Variants in PDE4D observed in about 807,000 individuals in gnomAD.
PDE4D encodes the protein phosphodiesterase 4D, also known as 3',5'-cyclic-AMP phosphodiesterase 4D.
In PDE4D, 24 loss-of-function variants were observed where a neutral mutation model predicts 87.4. That is an observed-to-expected ratio of 0.27 (90% CI 0.20 to 0.39). The LOEUF (loss-of-function observed/expected upper bound fraction) is 0.39. Ranked by LOEUF, PDE4D falls within the 10% of genes least tolerant of loss-of-function variation. PDE4D has a pLI of 1.00. For synonymous variants in PDE4D, 384 were observed against 383.2 expected (o/e 1.00, Z -0.02); for missense variants, 714 against 1,041.0 (o/e 0.69, Z 4.32).
chr5:59,417,343 G>A (rs1793783094), intron 1 of PDE4D, among the ~76,000 whole-genome samples: 3 of 152,036 alleles, frequency 2.0e-5, no homozygotes, highest in African/African-American at 7.2e-5. Context: ...CATTACAAAG[G>A]ACATTAAATG....
At chr5:59,423,687 T>C (rs1054153273) in intron 1 of PDE4D, among the ~76,000 whole-genome samples, 1 of 152,120 alleles carries the variant, frequency 6.6e-6, no homozygotes. Context: ...AATGGAACTC[T>C]AGGCAAAAAA....
At chr5:59,807,464 T>C (rs1767868308) in intron 1 of PDE4D, among the ~76,000 whole-genome samples, 1 of 151,938 alleles carries the variant, frequency 6.6e-6, no homozygotes, top group East Asian at 1.9e-4. Flanking sequence ...GGGTAGGAGG[T>C]ACTGGGCCAA....
intron 1 of PDE4D, among the ~76,000 whole-genome samples, chr5:59,563,014 C>A (rs1276441511): frequency 6.6e-6 from 1 of 152,126 alleles, no homozygotes; most frequent in Non-Finnish European, 1.5e-5. Flanking sequence ...TATTAAGGTG[C>A]ATGTGATTTG....
chr5:60,382,123 T>C, intron 1 of PDE4D, among the ~76,000 whole-genome samples: 1 of 152,152 alleles, frequency 6.6e-6, no homozygotes, highest in East Asian at 1.9e-4. Flanking sequence ...TTAAGGGCAT[T>C]TAGAAGTTTG....
chr5:59,724,913 T>C (rs534404984), intron 1 of PDE4D, among the ~76,000 whole-genome samples: 6 of 152,262 alleles, frequency 3.9e-5, no homozygotes, highest in Middle Eastern at 3.4e-3. Context: ...AAAACCTAAG[T>C]CAAACATACT....
At chr5:59,184,267 A>T (rs1007218335) in intron 4 of PDE4D, among the ~76,000 whole-genome samples, 5 of 152,180 alleles carry the variant, frequency 3.3e-5, no homozygotes, top group Non-Finnish European at 7.3e-5. Context: ...ATTGATTTTT[A>T]AAAACTTTTT....
At chr5:59,095,929 T>G (rs1272685339) in intron 5 of PDE4D, among the ~76,000 whole-genome samples, 2 of 152,236 alleles carry the variant, frequency 1.3e-5, no homozygotes, top group African/African-American at 4.8e-5. Flanking sequence ...GATAGATTGC[T>G]TTTTATTTCC....
intron 1 of PDE4D, among the ~76,000 whole-genome samples, chr5:60,221,145 T>C (rs949193286): frequency 3.9e-5 from 6 of 152,022 alleles, no homozygotes; most frequent in African/African-American, 1.4e-4. Flanking sequence ...GGACTGTTTA[T>C]ACTGTAAGGC....
At chr5:59,831,742 C>T (rs16890246) in intron 1 of PDE4D, among the ~76,000 whole-genome samples, 15,937 of 152,050 alleles carry the variant, frequency 0.1, 2,641 homozygotes, top group African/African-American at 0.35. Context: ...AAGTGAAATC[C>T]TAAGAAGCAC....
At chr5:59,970,320 C>T (rs967040598) in intron 3 of PDE4D, among the ~76,000 whole-genome samples, 2 of 152,036 alleles carry the variant, frequency 1.3e-5, no homozygotes, top group Admixed American at 1.3e-4. Context: ...GTCTAAAACA[C>T]CAAAAGCAAT....
chr5:59,995,324 T>TC (rs896616296), intron 2 of PDE4D, among the ~76,000 whole-genome samples: 34 of 150,668 alleles, frequency 2.3e-4, no homozygotes, highest in Non-Finnish European at 4.1e-4. Context: ...TTTCTTTCTT[T>TC]TTTTTTTTTT....
In PDE4D at chr5:60,428,554, G is replaced by A. The variant is rs181948075; in HGVS notation, c.-90+59388C>T. Reference sequence around the variant, plus strand: ...TCAAAAACCTTACAATTATACATGCGACTATGCAACAAAATGGCATATGAA... The same window carrying A: ...TCAAAAACCTTACAATTATACATGCAACTATGCAACAAAATGGCATATGAA... On this transcript the variant is annotated intron_variant, in intron 1 of 16. Coordinates refer to the PDE4D transcript ENST00000502484. 5.7e-4 allele frequency among the ~76,000 whole-genome samples: 87 copies of A among 152,134 alleles called. 1 individual carries two copies. Among genetic ancestry groups the A allele is most frequent in the African/African-American group, 1.6e-3 (65 of 41,526 alleles).
At chr5:60,167,266 C>CTTTTTT (rs142613050) in intron 2 of PDE4D, among the ~76,000 whole-genome samples, 17 of 86,490 alleles carry the variant, frequency 2.0e-4, no homozygotes, top group Non-Finnish European at 2.4e-4. Flanking sequence ...TGTGTATTTT[C>CTTTTTT]TTTTTTTTTT....
intron 1 of PDE4D, among the ~76,000 whole-genome samples, chr5:60,254,140 G>A (rs1370688801): frequency 1.3e-5 from 2 of 151,866 alleles, no homozygotes; most frequent in African/African-American, 4.8e-5. Context: ...TTTCTCAAAG[G>A]AGAGGCATTG....
In PDE4D at chr5:60,515,601, C is replaced by CTTTTTTTTTTTTTT. The variant is rs954970783; in HGVS notation, n.70+6436_70+6449dup. On this transcript the variant is annotated intron_variant and non_coding_transcript_variant, in intron 1 of 2. Transcript: ENST00000506510. The stretch of plus-strand genomic sequence containing the variant: ...CTGAGCTTTCTTTCCTTTTCTTTTT[C>CTTTTTTTTTTTTTT]TTTTTTTTTTTTTTTTTTCTGTCAG... Among the ~76,000 whole-genome samples the CTTTTTTTTTTTTTT allele has an allele frequency of 5.0e-4, 53 of 106,770 alleles. 1 individual carries two copies. The highest frequency in any genetic ancestry group is 8.9e-4 in the South Asian group (3 of 3,364). The allele number at this position is 106,770 out of a possible 152,430, so 70.0% of individuals were successfully genotyped here. A position where few individuals can be genotyped will look rare whatever the true frequency, so the allele number is the denominator to read the frequency against.
At chr5:59,970,274 T>C (rs568251331) in intron 3 of PDE4D, among the ~76,000 whole-genome samples, 1 of 152,236 alleles carries the variant, frequency 6.6e-6, no homozygotes, top group African/African-American at 2.4e-5. Flanking sequence ...ACCTAGGCAA[T>C]ACCATTCAGG....
chr5:59,571,246 A>G (rs189647574), intron 1 of PDE4D, among the ~76,000 whole-genome samples: 1 of 152,340 alleles, frequency 6.6e-6, no homozygotes, highest in East Asian at 1.9e-4. Flanking sequence ...TGCCAGGCTG[A>G]TGTACTGGAC....
chr5:59,096,590 T>C (rs944908949), intron 5 of PDE4D, among the ~76,000 whole-genome samples: 1 of 152,038 alleles, frequency 6.6e-6, no homozygotes, highest in African/African-American at 2.4e-5. Context: ...TTGTTGGACA[T>C]AAAAAACCTG....
At chr5:60,511,984 G>C (rs1220964941) in intron 1 of PDE4D, among the ~76,000 whole-genome samples, 1 of 152,114 alleles carries the variant, frequency 6.6e-6, no homozygotes, top group African/African-American at 2.4e-5. Flanking sequence ...ATGCTCAGTA[G>C]GAAGGTGTCA....
Sources: allele counts gnomAD v4.1 joint callset (sites outside exome capture counted in the v4.1 genomes callset), GRCh38; gene constraint gnomAD v4.1.1; transcripts MANE v1.5; gene names NCBI Gene and HGNC (gene_info 2026-07-23, HGNC 2026-07-21).